The following LEKR1 variants were observed in gnomAD, a reference collection of about 807,000 sequenced individuals.
LEKR1 encodes the protein protein LEKR1.
LEKR1 carries 59 observed loss-of-function variants against 72.4 expected under a neutral mutation model. That is an observed-to-expected ratio of 0.82 (90% CI 0.66 to 1.01). The LOEUF (loss-of-function observed/expected upper bound fraction) is 1.01, where lower values mean the gene tolerates loss of function less well. Among genes scored for constraint, LEKR1 ranks in the 50% least tolerant of loss-of-function variants. The probability of loss-of-function intolerance (pLI) is 0.00; values close to 1 mark genes in which losing one functional copy is unlikely to be tolerated. For missense variants in LEKR1, 728 were observed against 759.2 expected, an observed-to-expected ratio of 0.96 and a Z score of 0.48; for synonymous variants, 257 against 263.2, an observed-to-expected ratio of 0.98 and a Z score of 0.23.
At chr3:156,965,053 T>C (rs1728448976) in intron 6 of LEKR1, among the ~76,000 whole-genome samples, 1 of 152,148 alleles carries the variant, frequency 6.6e-6, no homozygotes, top group Non-Finnish European at 1.5e-5. Context: ...TATAAATACA[T>C]GTGATTGTGT....
At chr3:156,945,932 G>A in intron 6 of LEKR1, among the ~76,000 whole-genome samples, 1 of 151,482 alleles carries the variant, frequency 6.6e-6, no homozygotes, top group Middle Eastern at 3.2e-3. Flanking sequence ...TGACTATTCT[G>A]GGTCTTTTGT....
At chr3:156,992,753 T>C (rs1466981952) in intron 8 of LEKR1, 23 bp downstream of exon 8, 1 of 536,194 alleles carries the variant, frequency 1.9e-6, no homozygotes, top group East Asian at 1.1e-4. Context: ...AATTTTTAAA[T>C]TTATATTTTT....
intron 2 of LEKR1, among the ~76,000 whole-genome samples, chr3:156,834,305 T>C (rs776035448): frequency 6.6e-6 from 1 of 152,202 alleles, no homozygotes; most frequent in African/African-American, 2.4e-5. Context: ...CGTTCAACTT[T>C]TGGCTACATT....
chr3:156,896,001 A>G (rs561862193), intron 3 of LEKR1, among the ~76,000 whole-genome samples: 49 of 152,368 alleles, frequency 3.2e-4, no homozygotes, highest in Non-Finnish European at 5.0e-4. Flanking sequence ...AATGTGGTGC[A>G]CGTACACTGT....
chr3:157,022,442 A>C (rs551235539), intron 10 of LEKR1, among the ~76,000 whole-genome samples: 1 of 152,264 alleles, frequency 6.6e-6, no homozygotes, highest in Admixed American at 6.5e-5. Context: ...AGTGCTGATG[A>C]AAGTTGAGAC....
chr3:156,937,394 A>G (rs1391455818), intron 5 of LEKR1, among the ~76,000 whole-genome samples: 1 of 152,226 alleles, frequency 6.6e-6, no homozygotes, highest in African/African-American at 2.4e-5. Context: ...AAGATGATAT[A>G]TAGATGGCAA....
chr3:156,883,861 A>G (rs996686525), intron 3 of LEKR1, among the ~76,000 whole-genome samples: 3 of 152,054 alleles, frequency 2.0e-5, no homozygotes, highest in African/African-American at 4.8e-5. Context: ...CACCTTTCCA[A>G]TGCTTTTAGT....
intron 6 of LEKR1, among the ~76,000 whole-genome samples, chr3:156,968,564 A>G (rs1291877152): frequency 2.0e-5 from 3 of 152,346 alleles, no homozygotes; most frequent in African/African-American, 7.2e-5. Flanking sequence ...TTCAACAAGA[A>G]GAGCTAACTA....
chr3:157,043,435 T>A (rs1735513057), intron 12 of LEKR1, among the ~76,000 whole-genome samples: 1 of 142,730 alleles, frequency 7.0e-6, no homozygotes, highest in African/African-American at 2.6e-5. Flanking sequence ...CAAAACCAGA[T>A]GAAAATGTCC....
intron 11 of LEKR1, among the ~76,000 whole-genome samples, chr3:157,025,750 G>C (rs1307886086): frequency 6.6e-6 from 1 of 152,084 alleles, no homozygotes; most frequent in Non-Finnish European, 1.5e-5. Context: ...ATCTAACTGG[G>C]CATGGTGGCT....
intron 6 of LEKR1, among the ~76,000 whole-genome samples, chr3:156,953,219 GA>G (rs933365393): frequency 7.3e-5 from 11 of 150,828 alleles, no homozygotes; most frequent in African/African-American, 2.7e-4. Flanking sequence ...AAAATGAAAA[GA>G]TAATATAGAG....
chr3:157,041,910 G>A (rs1448949393), intron 12 of LEKR1, among the ~76,000 whole-genome samples: 3 of 152,240 alleles, frequency 2.0e-5, no homozygotes, highest in Non-Finnish European at 2.9e-5. Flanking sequence ...TTCTTTTCAC[G>A]TATGATGGAA....
At chr3:156,909,600 G>A (rs892537189) in intron 3 of LEKR1, among the ~76,000 whole-genome samples, 11 of 147,596 alleles carry the variant, frequency 7.5e-5, no homozygotes, top group Admixed American at 1.4e-4. Context: ...ACAGTGAGCC[G>A]AGATCACGCC....
intron 9 of LEKR1, 98 bp downstream of exon 9, chr3:156,993,375 T>C (rs1731294694): frequency 2.7e-6 from 2 of 738,302 alleles, no homozygotes; most frequent in East Asian, 5.1e-5. Context: ...ATAACAATAG[T>C]GAAATCACAG....
chr3:156,944,265 G>T lies in LEKR1; in HGVS notation c.745+1551G>T, dbSNP rs556596604. Among the ~76,000 whole-genome samples, 13 of 151,314 alleles carry T rather than the reference G, an allele frequency of 8.6e-5. No homozygotes were observed. In the East Asian group the frequency reaches 2.3e-3, roughly 27 times the overall value. On this transcript the variant is annotated intron_variant, in intron 6 of 12. Coordinates refer to ENST00000356539, the MANE Select transcript of LEKR1 (RefSeq NM_001004316.3). ...TCTAGTCAGCTATTTGAAATTTTTT[G>T]TTTTTAATTTTTGTGGGTACATAGT... is the stretch of plus-strand genomic sequence containing the variant.
Position 156,959,639 on chromosome 3 carries a change from G to T in LEKR1, c.745+16925G>T, listed in dbSNP as rs572595552. On this transcript the variant is annotated intron_variant, in intron 6 of 12. Coordinates refer to ENST00000356539, the MANE Select transcript of LEKR1 (RefSeq NM_001004316.3). ...TGCAATCCCTTCATTCATTTCACTT[G>T]AATTTCTATACTGTGGCCTTTTATT... is the stretch of plus-strand genomic sequence containing the variant. 5.9e-5 allele frequency among the ~76,000 whole-genome samples: 9 copies of T among 151,976 alleles called. No individual in the cohort carries two copies. In the South Asian group the frequency reaches 1.9e-3, roughly 32 times the overall value.
At chr3:156,915,153 G>A (rs150396616) in intron 3 of LEKR1, among the ~76,000 whole-genome samples, 197 of 151,950 alleles carry the variant, frequency 1.3e-3, no homozygotes, top group African/African-American at 4.3e-3. Flanking sequence ...CCAATCTGTC[G>A]TTAATGGGCA....
rs191026372 is a variant in LEKR1, at chr3:156,973,642, A to G, written c.746-5552A>G. Among the ~76,000 whole-genome samples the G allele has an allele frequency of 1.9e-4, 29 of 152,278 alleles. No homozygotes were observed. In the East Asian group the frequency reaches 2.7e-3, roughly 14 times the overall value. On this transcript the variant is annotated intron_variant, in intron 6 of 12. Coordinates refer to ENST00000356539, the MANE Select transcript of LEKR1 (RefSeq NM_001004316.3). ...AAATTGCCAATATAGACCATCATTCATCACCTTGAAAAGAGCTGTTTCTGT... is the reference window on the plus strand; with the variant it reads ...AAATTGCCAATATAGACCATCATTCGTCACCTTGAAAAGAGCTGTTTCTGT...
chr3:156,990,041 C>G (rs1731029688), intron 7 of LEKR1, among the ~76,000 whole-genome samples: 1 of 152,200 alleles, frequency 6.6e-6, no homozygotes, highest in South Asian at 2.1e-4. Flanking sequence ...AGTACAGGAT[C>G]CAATCTGGAG....
Sources: allele counts gnomAD v4.1 joint callset (sites outside exome capture counted in the v4.1 genomes callset), GRCh38; gene constraint gnomAD v4.1.1; transcripts MANE v1.5; gene names NCBI Gene and HGNC (gene_info 2026-07-23, HGNC 2026-07-21).